Variants in FHAD1 observed in about 807,000 individuals in gnomAD.
FHAD1 encodes the protein forkhead-associated domain-containing protein 1.
Under a neutral mutation model 191.3 loss-of-function variants are expected in FHAD1, and 146 were observed. The ratio of observed to expected loss-of-function variants is 0.76; its 90% CI spans 0.67 to 0.88. The LOEUF (loss-of-function observed/expected upper bound fraction) is 0.88, where lower values mean the gene tolerates loss of function less well. Among genes scored for constraint, FHAD1 ranks in the 40% least tolerant of loss-of-function variants. The pLI, the probability that FHAD1 is intolerant of heterozygous loss-of-function variation, is 0.00. For missense variants in FHAD1, 1,635 were observed against 1,785.8 expected (o/e 0.92, Z 1.52); for synonymous variants, 616 against 672.3 (o/e 0.92, Z 1.29).
chr1:15,330,490 A>G (rs1195360073), intron 14 of FHAD1, among the ~76,000 whole-genome samples: 2 of 152,218 alleles, frequency 1.3e-5, no homozygotes, highest in East Asian at 1.9e-4. Flanking sequence ...AATACTGGGG[A>G]AAAAAACAGG....
intron 22 of FHAD1, 57 bp downstream of exon 22, chr1:15,360,760 C>T (rs949029387): frequency 1.1e-5 from 16 of 1,410,952 alleles, no homozygotes; most frequent in African/African-American, 2.9e-5. Flanking sequence ...TCTGATTGTC[C>T]GCTGGGTCCC....
rs751922129 is a variant in FHAD1, at chr1:15,328,379, G to A, written c.1660G>A (p.Glu554Lys). The part of the protein sequence containing the change: ...ETQLSNSKQE[E>K]TTENIEKLRT... ...CCAGCTGAGCAACTCCAAGCAGGAG[G>A]AGACCACCGAGAACATCGAGAAGCT... The change falls in exon 13 of 34, where the codon GAG becomes AAG. Residue 554 changes from glutamate to lysine, a missense_variant. Glu to Lys is a moderately conservative substitution (Grantham distance 56). Transcript: ENST00000688493. The A allele has an allele frequency of 4.1e-5, 64 of 1,546,374 alleles. No homozygotes were observed. The highest frequency in any genetic ancestry group is 1.4e-4 in the Admixed American group (7 of 49,624).
At chr1:15,380,455 G>A (rs769930188) in intron 28 of FHAD1, among the ~76,000 whole-genome samples, 6 of 152,206 alleles carry the variant, frequency 3.9e-5, no homozygotes, top group Non-Finnish European at 5.9e-5. Context: ...AAGACAGGCG[G>A]TGATCAAAGA....
intron 6 of FHAD1, among the ~76,000 whole-genome samples, chr1:15,302,029 A>G (rs1357613675): frequency 6.6e-6 from 1 of 152,062 alleles, no homozygotes; most frequent in African/African-American, 2.4e-5. Flanking sequence ...AGAAAGAAAG[A>G]AAAAAGTCTA....
intron 1 of FHAD1, among the ~76,000 whole-genome samples, chr1:15,238,599 C>T (rs1026001994): frequency 2.6e-5 from 4 of 152,184 alleles, no homozygotes; most frequent in African/African-American, 9.7e-5. Flanking sequence ...ATAAGCCACC[C>T]CAGGCAGAGA....
intron 21 of FHAD1, among the ~76,000 whole-genome samples, chr1:15,359,759 G>C (rs182316886): frequency 6.6e-6 from 1 of 152,124 alleles, no homozygotes; most frequent in Non-Finnish European, 1.5e-5. Context: ...GACCATCCTG[G>C]CTAACATGAT....
intron 5 of FHAD1, among the ~76,000 whole-genome samples, chr1:15,298,182 G>T (rs1667549333): frequency 6.6e-6 from 1 of 152,206 alleles, no homozygotes; most frequent in African/African-American, 2.4e-5. Context: ...TATATTCAAT[G>T]GAATACTATG....
chr1:15,354,777 C>T (rs936231488), intron 20 of FHAD1, among the ~76,000 whole-genome samples: 1 of 152,130 alleles, frequency 6.6e-6, no homozygotes, highest in Non-Finnish European at 1.5e-5. Flanking sequence ...ATTTACTAGA[C>T]AAAAATAGAC....
At chr1:15,391,578 T>G (rs1009140795) in intron 33 of FHAD1, among the ~76,000 whole-genome samples, 21 of 152,170 alleles carry the variant, frequency 1.4e-4, no homozygotes, top group African/African-American at 5.1e-4. Context: ...CTGGAATTGA[T>G]CCAATCCACA....
Position 15,381,636 on chromosome 1 carries a change from C to T in FHAD1, c.4022+185C>T, listed in dbSNP as rs775399448. ...GGCCTGGTAGAGGGAATTCTGTCCC[C>T]GAGATCACGGCTGCAGAAGTGCACG... On this transcript the variant is annotated intron_variant, in intron 30 of 33. Coordinates refer to ENST00000688493, the MANE Select transcript of FHAD1 (RefSeq NM_001391957.1). This position sits in a 1 kb window ranked among gnomAD's most constrained non-coding sequence, Gnocchi z 4.6. Among the ~76,000 whole-genome samples the T allele has an allele frequency of 7.9e-5, 12 of 152,072 alleles. No individual in the cohort carries two copies. The highest frequency in any genetic ancestry group is 1.3e-4 in the Non-Finnish European group (9 of 68,018).
chr1:15,388,317 TGCCCCACCTCCCTCCCTCCCCTCCCCAGG>T, intron 32 of FHAD1, 186 bp downstream of exon 32: 1 of 139,416 alleles, frequency 7.2e-6, no homozygotes, highest in African/African-American at 8.9e-5. Context: ...CCCCAGGCCC[TGCCCCACCTCCCTCCCTCCCCTCCCCAGG>T]CCCTGCCCCA....
At chr1:15,366,549 A>G (rs1391627334) in intron 24 of FHAD1, among the ~76,000 whole-genome samples, 1 of 152,220 alleles carries the variant, frequency 6.6e-6, no homozygotes, top group Non-Finnish European at 1.5e-5. Flanking sequence ...CTGGAAGCAA[A>G]GGCTTGGAGG....
In FHAD1 at chr1:15,327,216, C is replaced by A. The variant is rs1679070179; in HGVS notation, c.1557+74C>A. 2 of 976,838 alleles carry A rather than the reference C, an allele frequency of 2.0e-6. No homozygotes were observed. Among genetic ancestry groups the A allele is most frequent in the East Asian group, 2.7e-5 (1 of 37,448 alleles). 60.5% of individuals were successfully genotyped at this position (976,838 alleles called of 1,614,324 possible). A position where few individuals can be genotyped will look rare whatever the true frequency, so the allele number is the denominator to read the frequency against. ...TTCTTCGTGGATCTGGATTCCAGAC[C>A]CTGGGAGCATATGTTTCTGTTTTTG... On this transcript the variant is annotated intron_variant, in intron 12 of 33. Transcript: ENST00000688493. This position sits in a 1 kb window ranked among gnomAD's most constrained non-coding sequence, Gnocchi z 5.1.
intron 2 of FHAD1, among the ~76,000 whole-genome samples, chr1:15,271,243 G>A (rs903716901): frequency 1.3e-5 from 2 of 152,146 alleles, no homozygotes. Context: ...AACCCAGGAG[G>A]TGGAGGCTGC....
chr1:15,397,190 C>CAA, intron 33 of FHAD1, 107 bp from the exon 34 acceptor site: 212 of 431,690 alleles, frequency 4.9e-4, no homozygotes, highest in Middle Eastern at 1.4e-3. Flanking sequence ...GACTCCGTCT[C>CAA]AAAAAAAAAA....
chr1:15,256,463 G>A (rs1244720554), intron 2 of FHAD1, among the ~76,000 whole-genome samples: 1 of 151,930 alleles, frequency 6.6e-6, no homozygotes, highest in East Asian at 1.9e-4. Flanking sequence ...GACCAGCCTG[G>A]CCATCATGGT....
intron 2 of FHAD1, among the ~76,000 whole-genome samples, chr1:15,256,645 CAAAAAAAAAAA>C (rs34598860): frequency 4.3e-4 from 31 of 71,302 alleles, no homozygotes; most frequent in African/African-American, 1.2e-3. Flanking sequence ...AGACTCTGTC[CAAAAAAAAAAA>C]AAAAAAAAAA....
Position 15,311,865 on chromosome 1 carries a change from G to A in FHAD1, c.1040-1192G>A, listed in dbSNP as rs764339742. Reference sequence around the variant, plus strand: ...GTTTCTGTGGTTCAGGAACTTGGGAGTGACTTAGTCTGGCTCAGGGTCTCT... The same window carrying A: ...GTTTCTGTGGTTCAGGAACTTGGGAATGACTTAGTCTGGCTCAGGGTCTCT... On this transcript the variant is annotated intron_variant, in intron 7 of 33. Coordinates refer to ENST00000688493, the MANE Select transcript of FHAD1 (RefSeq NM_001391957.1). The surrounding 1 kb of genome is among the most constrained non-coding windows in gnomAD (Gnocchi z 4.1). Among the ~76,000 whole-genome samples, 1 of 152,212 alleles carries A rather than the reference G, an allele frequency of 6.6e-6. No individual in the cohort carries two copies. Among genetic ancestry groups the A allele is most frequent in the Non-Finnish European group, 1.5e-5 (1 of 68,042 alleles).
chr1:15,374,718 T>A, intron 27 of FHAD1, 87 bp downstream of exon 27: 1 of 1,485,340 alleles, frequency 6.7e-7, no homozygotes. Context: ...ACTACCATGT[T>A]TTATCTGCAT....
Sources: allele counts gnomAD v4.1 joint callset (sites outside exome capture counted in the v4.1 genomes callset), GRCh38; gene constraint gnomAD v4.1.1; non-coding constraint Gnocchi (gnomAD v3.1); transcripts MANE v1.5; gene names NCBI Gene and HGNC (gene_info 2026-07-23, HGNC 2026-07-21).